The following CDK8 variants were observed in gnomAD, a reference collection of about 807,000 sequenced individuals.
The protein encoded by CDK8 is cyclin dependent kinase 8, also known as cyclin-dependent kinase 8.
In CDK8, 29 loss-of-function variants were observed where a neutral mutation model predicts 71.5. The ratio of observed to expected loss-of-function variants is 0.41; its 90% CI spans 0.30 to 0.55. The LOEUF is 0.55. Among genes scored for constraint, CDK8 ranks in the 20% least tolerant of loss-of-function variants. CDK8 has a pLI of 0.37. For synonymous variants in CDK8, 161 were observed against 192.1 expected (o/e 0.84, Z 1.34); for missense variants, 288 against 572.6 (o/e 0.50, Z 5.07).
intron 1 of CDK8, among the ~76,000 whole-genome samples, chr13:26,262,928 C>G (rs759180180): frequency 1.3e-5 from 2 of 152,258 alleles, no homozygotes; most frequent in South Asian, 4.1e-4. Flanking sequence ...TTATTGTAAT[C>G]CATGAATTCT....
At chr13:26,290,458 T>C (rs1873241363) in intron 1 of CDK8, among the ~76,000 whole-genome samples, 1 of 152,120 alleles carries the variant, frequency 6.6e-6, no homozygotes, top group African/African-American at 2.4e-5. Context: ...GCTTTGTATG[T>C]TATAGGAGCT....
At chr13:26,331,016 T>C (rs1875291236) in intron 1 of CDK8, among the ~76,000 whole-genome samples, 1 of 152,190 alleles carries the variant, frequency 6.6e-6, no homozygotes, top group African/African-American at 2.4e-5. Context: ...GAAATTGCCA[T>C]GCCATTTTCT....
intron 1 of CDK8, among the ~76,000 whole-genome samples, chr13:26,259,227 G>T (rs1871661272): frequency 6.6e-6 from 1 of 152,072 alleles, no homozygotes; most frequent in Non-Finnish European, 1.5e-5. Flanking sequence ...GACAGAAGAG[G>T]ACAGTTAGTC....
intron 2 of CDK8, among the ~76,000 whole-genome samples, chr13:26,339,572 A>G (rs1873138172): frequency 6.6e-6 from 1 of 150,634 alleles, no homozygotes; most frequent in South Asian, 2.1e-4. Context: ...ATTATCATAT[A>G]AATTTTTACA....
intron 6 of CDK8, among the ~76,000 whole-genome samples, chr13:26,391,414 G>A (rs181830552): frequency 1.3e-5 from 2 of 152,330 alleles, no homozygotes; most frequent in Non-Finnish European, 2.9e-5. Context: ...GCTAAGAGCA[G>A]TGTAGCTTTA....
chr13:26,258,215 C>T (rs554703549), intron 1 of CDK8, among the ~76,000 whole-genome samples: 73 of 152,134 alleles, frequency 4.8e-4, no homozygotes, highest in Admixed American at 2.6e-3. Flanking sequence ...GAGGATTAGG[C>T]GCAGGTTTTT....
At chr13:26,321,411 G>A (rs976421394) in intron 1 of CDK8, among the ~76,000 whole-genome samples, 4 of 152,102 alleles carry the variant, frequency 2.6e-5, no homozygotes, top group South Asian at 2.1e-4. Flanking sequence ...AGTGTGTAGT[G>A]GTTATGGTTT....
chr13:26,389,504 C>T (rs895154297), intron 6 of CDK8, among the ~76,000 whole-genome samples: 1 of 151,792 alleles, frequency 6.6e-6, no homozygotes, highest in Admixed American at 6.6e-5. Context: ...CTTCTGAGGC[C>T]GGGAAGTTAC....
rs146376221 is a variant in CDK8 at position 26,282,616 on chromosome 13, A to G, written c.128+27847A>G. Among the ~76,000 whole-genome samples the G allele has an allele frequency of 7.5e-3, 1,138 of 152,332 alleles. 12 individuals carry two copies. Among genetic ancestry groups the G allele is most frequent in the Middle Eastern group, 0.037 (11 of 294 alleles). ...AAATACACCAAAATAGAACCTTCTC[A>G]AAGCGTAAATCTGATGACCTACACA... On this transcript the variant is annotated intron_variant, in intron 1 of 12. Transcript: ENST00000381527.
chr13:26,291,243 G>T (rs1873285531), intron 1 of CDK8, among the ~76,000 whole-genome samples: 1 of 152,136 alleles, frequency 6.6e-6, no homozygotes, highest in Admixed American at 6.5e-5. Context: ...ATATAGCCTA[G>T]GTGTACAGTA....
At chr13:26,366,001 A>G (rs1171363640) in intron 4 of CDK8, among the ~76,000 whole-genome samples, 4 of 152,130 alleles carry the variant, frequency 2.6e-5, no homozygotes, top group African/African-American at 9.6e-5. Context: ...TTAATATCTC[A>G]GTCTAACTTT....
At chr13:26,307,144 A>G (rs1233612485) in intron 1 of CDK8, among the ~76,000 whole-genome samples, 2 of 152,202 alleles carry the variant, frequency 1.3e-5, no homozygotes, top group African/African-American at 2.4e-5. Context: ...GGTACAGGAG[A>G]TAAGACACCC....
intron 12 of CDK8, among the ~76,000 whole-genome samples, chr13:26,402,131 A>G (rs1334956240): frequency 6.6e-6 from 1 of 152,226 alleles, no homozygotes; most frequent in Non-Finnish European, 1.5e-5. Flanking sequence ...ATAATGATCA[A>G]TGTGAAGCTG....
intron 1 of CDK8, among the ~76,000 whole-genome samples, chr13:26,259,030 T>A (rs1871654089): frequency 6.6e-6 from 1 of 152,190 alleles, no homozygotes; most frequent in South Asian, 2.1e-4. Context: ...ACTCTTCTGA[T>A]TCAACCTGCA....
At chr13:26,281,733 A>G (rs1371682807) in intron 1 of CDK8, among the ~76,000 whole-genome samples, 1 of 145,338 alleles carries the variant, frequency 6.9e-6, no homozygotes, top group Admixed American at 6.8e-5. Flanking sequence ...ACTTAAAGAA[A>G]TTAAAAAAAA....
chr13:26,261,564 T>A (rs1871773488), intron 1 of CDK8, among the ~76,000 whole-genome samples: 1 of 152,222 alleles, frequency 6.6e-6, no homozygotes, highest in South Asian at 2.1e-4. Flanking sequence ...ATTCAACATG[T>A]GGCCTTTTGT....
At chr13:26,358,537 G>T (rs1873997220) in intron 4 of CDK8, among the ~76,000 whole-genome samples, 2 of 152,186 alleles carry the variant, frequency 1.3e-5, no homozygotes, top group African/African-American at 4.8e-5. Context: ...TAACACCGTT[G>T]TCAGGAATGT....
intron 1 of CDK8, among the ~76,000 whole-genome samples, chr13:26,305,106 A>AT (rs1239278461): frequency 8.6e-5 from 13 of 152,044 alleles, no homozygotes; most frequent in African/African-American, 3.1e-4. Flanking sequence ...TTTTGGAATT[A>AT]TTTTTTCTGA....
intron 4 of CDK8, among the ~76,000 whole-genome samples, chr13:26,361,544 T>C (rs897545987): frequency 2.0e-5 from 3 of 152,170 alleles, no homozygotes; most frequent in African/African-American, 7.2e-5. Context: ...ATAAATTTGT[T>C]GAGCATCTCA....
Sources: gnomAD v4.1 joint callset for allele counts (sites outside exome capture counted in the v4.1 genomes callset) on GRCh38, gnomAD v4.1.1 for gene constraint, MANE v1.5 for transcripts, NCBI Gene and HGNC (gene_info 2026-07-23, HGNC 2026-07-21) for gene names.